EIF3L: variants seen among roughly 807,000 people sequenced by gnomAD.
EIF3L encodes eukaryotic translation initiation factor 3 subunit L, also known as eIEF associated protein HSPC021.
A neutral mutation model predicts 74.6 loss-of-function variants in EIF3L; 32 were observed. The ratio of observed to expected loss-of-function variants is 0.43; its 90% CI spans 0.32 to 0.58. The LOEUF (loss-of-function observed/expected upper bound fraction) is 0.58, where lower values mean the gene tolerates loss of function less well. EIF3L is among the 20% of genes least tolerant of loss of function. The pLI is 0.06. For synonymous variants in EIF3L, 256 were observed against 254.4 expected (o/e 1.01, Z -0.06); for missense variants, 474 against 707.8 (o/e 0.67, Z 3.75).
intron 11 of EIF3L, chr22:37,883,548 T>A (rs1280377876): frequency 6.6e-6 from 1 of 151,636 alleles, no homozygotes; most frequent in African/African-American, 2.4e-5. Flanking sequence ...GCCACTGCAC[T>A]CCAGCCTGGG....
chr22:37,856,002 G>C (rs986687189), intron 4 of EIF3L, among the ~76,000 whole-genome samples: 3 of 151,738 alleles, frequency 2.0e-5, no homozygotes, highest in African/African-American at 7.3e-5. Context: ...TCATTATTTT[G>C]CTTGTGGATA....
Position 37,888,418 on chromosome 22 carries a change from T to C in EIF3L, c.1657-8T>C. On this transcript the variant is annotated splice_region_variant and splice_polypyrimidine_tract_variant and intron_variant, in intron 12 of 12. Transcript: ENST00000652021. ...CCGTATGTAACTTTGCTTTTCTTTC[T>C]CTTCTAGCTTAATCGAACCCTGAAG... is the stretch of plus-strand genomic sequence containing the variant. 6.2e-7 allele frequency: 1 copy of C among 1,614,058 alleles called. No individual in the cohort carries two copies. The highest frequency in any genetic ancestry group is 8.5e-7 in the Non-Finnish European group (1 of 1,179,968).
intron 4 of EIF3L, 97 bp downstream of exon 4, chr22:37,855,741 C>A: frequency 1.9e-6 from 2 of 1,080,690 alleles, no homozygotes; most frequent in South Asian, 1.4e-5. Flanking sequence ...GTTTTGCTCA[C>A]CATTTTGTTT....
rs1925943931 is a variant in EIF3L, at chr22:37,863,056, C to T, written c.505+18C>T. On this transcript the variant is annotated intron_variant, in intron 6 of 12. Transcript: ENST00000652021. ...CATTCTTAGTGAGTCTGAGATTTGG[C>T]CAAGAGGGTGTGTGTGGTTATGATG... The T allele has an allele frequency of 6.2e-7, 1 of 1,606,266 alleles. No homozygotes were observed. Among genetic ancestry groups the T allele is most frequent in the African/African-American group, 1.3e-5 (1 of 74,408 alleles).
intron 3 of EIF3L, among the ~76,000 whole-genome samples, chr22:37,854,268 T>G (rs1050052660): frequency 1.3e-5 from 2 of 152,100 alleles, no homozygotes; most frequent in African/African-American, 2.4e-5. Flanking sequence ...ACCAAATGTT[T>G]TAGTGAGGTC....
intron 7 of EIF3L, among the ~76,000 whole-genome samples, chr22:37,864,698 C>G (rs1210314051): frequency 6.6e-6 from 1 of 152,036 alleles, no homozygotes; most frequent in Non-Finnish European, 1.5e-5. Context: ...ACCACCACGC[C>G]CAGCTAATTT....
chr22:37,871,615 C>T lies in EIF3L; in HGVS notation c.751+1268C>T, dbSNP rs141122286. On this transcript the variant is annotated intron_variant, in intron 8 of 12. Coordinates refer to ENST00000652021, the MANE Select transcript of EIF3L (RefSeq NM_016091.4). ...GGGTGCCATGGCTCACGCCTATTAT[C>T]CTGGCATTTTGGGAGGCTGAGGCGG... 3.3e-3 allele frequency among the ~76,000 whole-genome samples: 498 copies of T among 152,266 alleles called. 2 individuals carry two copies. The highest frequency in any genetic ancestry group is 0.011 in the African/African-American group (473 of 41,568).
intron 4 of EIF3L, among the ~76,000 whole-genome samples, chr22:37,857,451 G>A (rs1394295107): frequency 6.7e-6 from 1 of 148,866 alleles, no homozygotes; most frequent in Admixed American, 6.7e-5. Flanking sequence ...TTAGGTCTTT[G>A]GTTGCGTTCA....
At chr22:37,886,934 CTTTA>C (rs1394982085) in intron 12 of EIF3L, 89 bp downstream of exon 12, 5 of 1,073,544 alleles carry the variant, frequency 4.7e-6, no homozygotes, top group Non-Finnish European at 6.7e-6. Context: ...ATTTTTATTC[CTTTA>C]TTTATTTTGA....
chr22:37,864,953 A>G (rs1253387840), intron 7 of EIF3L, among the ~76,000 whole-genome samples: 1 of 152,200 alleles, frequency 6.6e-6, no homozygotes, highest in Non-Finnish European at 1.5e-5. Flanking sequence ...CTGAGATACT[A>G]CGTATAGAGT....
intron 7 of EIF3L, among the ~76,000 whole-genome samples, chr22:37,868,634 CTTTTTTT>C (rs71195065): frequency 2.4e-4 from 6 of 25,104 alleles, no homozygotes; most frequent in Admixed American, 9.7e-4. Flanking sequence ...TGTTTTGGTG[CTTTTTTT>C]TTTTTTTTTT....
chr22:37,875,153 G>A (rs374064093), intron 9 of EIF3L, among the ~76,000 whole-genome samples: 141 of 151,072 alleles, frequency 9.3e-4, no homozygotes, highest in African/African-American at 3.2e-3. Context: ...TGGATTACTT[G>A]AGGTCAGGAG....
chr22:37,872,980 C>T (rs905472697), intron 8 of EIF3L, among the ~76,000 whole-genome samples: 4 of 151,808 alleles, frequency 2.6e-5, no homozygotes, highest in Non-Finnish European at 5.9e-5. Context: ...GCCCTTTTTT[C>T]CTTCTTTTTT....
At position 37,889,313 on chromosome 22, in the gene EIF3L, A is replaced by C. The variant is rs1318895877; in HGVS notation, c.*849A>C. 6.6e-6 allele frequency: 1 copy of C among 151,820 alleles called. No individual in the cohort carries two copies. Among genetic ancestry groups the C allele is most frequent in the Non-Finnish European group, 1.5e-5 (1 of 67,960 alleles). The allele number at this position is 151,820 out of a possible 1,614,324, so 9.4% of individuals were successfully genotyped here. ...TGATCTGCCCATCTCTGCCTCCTAA[A>C]GTACTGGGATTACAGGCGTGAGCCA... On this transcript the variant is annotated 3_prime_UTR_variant, in exon 13 of 13. Coordinates refer to ENST00000652021, the MANE Select transcript of EIF3L (RefSeq NM_016091.4).
At chr22:37,874,333 GC>G in intron 8 of EIF3L, 36 bp from the exon 9 acceptor site, 1 of 1,598,106 alleles carries the variant, frequency 6.3e-7, no homozygotes, top group East Asian at 2.3e-5. Flanking sequence ...GCCTTTACCT[GC>G]CTCCTATCAG....
intron 2 of EIF3L, 134 bp downstream of exon 2, chr22:37,850,197 G>T: frequency 1.1e-6 from 1 of 913,280 alleles, no homozygotes; most frequent in Non-Finnish European, 1.8e-6. Context: ...AGCTGCCAGT[G>T]CGAGGGGTTT....
chr22:37,853,236 T>G (rs1162037120), intron 3 of EIF3L, among the ~76,000 whole-genome samples: 1 of 151,818 alleles, frequency 6.6e-6, no homozygotes, highest in Non-Finnish European at 1.5e-5. Flanking sequence ...GTCGACAGCA[T>G]CCTCAGTTCT....
At chr22:37,887,072 G>A in intron 12 of EIF3L, 1 of 354,578 alleles carries the variant, frequency 2.8e-6, no homozygotes, top group Non-Finnish European at 5.5e-6. Flanking sequence ...GGAATTACAG[G>A]TGTGTGCCAC....
At chr22:37,849,582 G>T in intron 1 of EIF3L, 100 bp downstream of exon 1, 1 of 1,390,466 alleles carries the variant, frequency 7.2e-7, no homozygotes, top group Non-Finnish European at 9.8e-7. Flanking sequence ...GTCGCGGCCA[G>T]CTCCGGCCGA....
Sources: allele counts gnomAD v4.1 joint callset (sites outside exome capture counted in the v4.1 genomes callset), GRCh38; gene constraint gnomAD v4.1.1; transcripts MANE v1.5; gene names NCBI Gene and HGNC (gene_info 2026-07-23, HGNC 2026-07-21).